The following CCSER1 variants were observed in gnomAD, a reference collection of about 807,000 sequenced individuals.
The protein encoded by CCSER1 is serine-rich coiled-coil domain-containing protein 1.
CCSER1 carries 41 observed loss-of-function variants against 82.0 expected under a neutral mutation model. That is an observed-to-expected ratio of 0.50 (90% CI 0.39 to 0.65). The LOEUF is 0.65. Among genes scored for constraint, CCSER1 ranks in the 30% least tolerant of loss-of-function variants. CCSER1 has a pLI of 0.00. For missense variants in CCSER1, 1,119 were observed against 1,064.2 expected (o/e 1.05, Z -0.72); for synonymous variants, 414 against 383.9 (o/e 1.08, Z -0.92).
chr4:91,175,393 G>A (rs180973449), intron 10 of CCSER1, among the ~76,000 whole-genome samples: 81 of 152,226 alleles, frequency 5.3e-4, no homozygotes, highest in African/African-American at 1.6e-3. Context: ...TTGAGGAATC[G>A]CCACACTGCC....
intron 1 of CCSER1, among the ~76,000 whole-genome samples, chr4:90,244,971 G>A (rs1175598184): frequency 6.6e-6 from 1 of 152,120 alleles, no homozygotes; most frequent in Non-Finnish European, 1.5e-5. Flanking sequence ...TAGCCACAGA[G>A]TAATCTCATT....
chr4:90,418,223 A>G (rs1159804647), intron 4 of CCSER1, among the ~76,000 whole-genome samples: 1 of 152,092 alleles, frequency 6.6e-6, no homozygotes, highest in Admixed American at 6.6e-5. Flanking sequence ...TCTCATGTCC[A>G]GCATATATAT....
chr4:90,991,851 G>C (rs1293119745), intron 9 of CCSER1, among the ~76,000 whole-genome samples: 1 of 151,942 alleles, frequency 6.6e-6, no homozygotes, highest in Admixed American at 6.6e-5. Context: ...AGTTTATACT[G>C]ATTGTTATCA....
chr4:91,248,812 A>G (rs1740024990), intron 10 of CCSER1, among the ~76,000 whole-genome samples: 1 of 152,182 alleles, frequency 6.6e-6, no homozygotes, highest in Admixed American at 6.5e-5. Context: ...TGCACTATAC[A>G]AATATAAGAT....
chr4:91,303,708 T>C (rs1744838905), intron 10 of CCSER1, among the ~76,000 whole-genome samples: 1 of 151,902 alleles, frequency 6.6e-6, no homozygotes, highest in Admixed American at 6.6e-5. Flanking sequence ...GGTGGGAGGA[T>C]CACCTGAGTC....
chr4:91,292,440 G>A (rs373996105), intron 10 of CCSER1, among the ~76,000 whole-genome samples: 11 of 151,760 alleles, frequency 7.2e-5, no homozygotes, highest in Non-Finnish European at 8.8e-5. Flanking sequence ...TTATGCTTAC[G>A]CTAGATTACT....
chr4:90,389,062 AT>A (rs775075784), intron 3 of CCSER1, among the ~76,000 whole-genome samples: 2 of 152,198 alleles, frequency 1.3e-5, no homozygotes, highest in African/African-American at 4.8e-5. Flanking sequence ...AAAAATGTCC[AT>A]TTTTTAAGAA....
At chr4:90,888,849 G>A (rs1722538515) in intron 8 of CCSER1, among the ~76,000 whole-genome samples, 1 of 152,112 alleles carries the variant, frequency 6.6e-6, no homozygotes, top group African/African-American at 2.4e-5. Flanking sequence ...TCTATATTGA[G>A]CAATTGTTTA....
intron 10 of CCSER1, among the ~76,000 whole-genome samples, chr4:91,250,966 A>G (rs1313323361): frequency 6.6e-6 from 1 of 152,188 alleles, no homozygotes; most frequent in Non-Finnish European, 1.5e-5. Flanking sequence ...GACATAGAGA[A>G]TGAACTGTGT....
chr4:91,139,414 T>A (rs1028915809), intron 10 of CCSER1, among the ~76,000 whole-genome samples: 1 of 152,150 alleles, frequency 6.6e-6, no homozygotes, highest in Non-Finnish European at 1.5e-5. Flanking sequence ...CTCATTTTTC[T>A]CAATTTATAA....
intron 5 of CCSER1, among the ~76,000 whole-genome samples, chr4:90,592,086 A>G (rs1782776854): frequency 6.6e-6 from 1 of 152,162 alleles, no homozygotes; most frequent in Non-Finnish European, 1.5e-5. Flanking sequence ...TAATGCACGC[A>G]GGGCTTAAAA....
At chr4:91,346,858 A>G (rs572931854) in intron 10 of CCSER1, among the ~76,000 whole-genome samples, 1 of 152,230 alleles carries the variant, frequency 6.6e-6, no homozygotes, top group South Asian at 2.1e-4. Context: ...GTTATAAGAT[A>G]TTTTTGTATA....
At chr4:90,825,016 C>A (rs1296413272) in intron 8 of CCSER1, among the ~76,000 whole-genome samples, 2 of 152,090 alleles carry the variant, frequency 1.3e-5, no homozygotes, top group Non-Finnish European at 2.9e-5. Flanking sequence ...GGGACTGCCT[C>A]CAGTTTCTTA....
At chr4:90,862,450 G>T (rs1249625760) in intron 8 of CCSER1, among the ~76,000 whole-genome samples, 2 of 151,856 alleles carry the variant, frequency 1.3e-5, no homozygotes, top group Non-Finnish European at 2.9e-5. Context: ...AATGACAACT[G>T]ACTTAATGGT....
chr4:91,203,122 A>G (rs1736064600), intron 10 of CCSER1, among the ~76,000 whole-genome samples: 1 of 151,886 alleles, frequency 6.6e-6, no homozygotes, highest in South Asian at 2.1e-4. Flanking sequence ...ACAGTGTAAA[A>G]GTGTTCCTAT....
intron 10 of CCSER1, among the ~76,000 whole-genome samples, chr4:91,553,370 T>C (rs1266378613): frequency 3.3e-5 from 5 of 151,492 alleles, no homozygotes; most frequent in African/African-American, 1.2e-4. Context: ...ATTCTTACAA[T>C]GTTCTTGTCT....
At chr4:90,778,559 C>A (rs1449258468) in intron 7 of CCSER1, among the ~76,000 whole-genome samples, 1 of 149,432 alleles carries the variant, frequency 6.7e-6, no homozygotes. Flanking sequence ...GAAACCCATA[C>A]ACTAACATAT....
chr4:90,387,366 C>G (rs761742055), intron 3 of CCSER1, among the ~76,000 whole-genome samples: 2 of 152,034 alleles, frequency 1.3e-5, no homozygotes, highest in Non-Finnish European at 2.9e-5. Context: ...GAAAGCCATG[C>G]AGAGCCTATG....
At chr4:90,578,175 C>T (rs966040449) in intron 5 of CCSER1, among the ~76,000 whole-genome samples, 19 of 152,090 alleles carry the variant, frequency 1.2e-4, no homozygotes, top group African/African-American at 4.6e-4. Context: ...ATTATATTAG[C>T]TTTATACTTC....
Sources: allele counts gnomAD v4.1 joint callset (sites outside exome capture counted in the v4.1 genomes callset), GRCh38; gene constraint gnomAD v4.1.1; transcripts MANE v1.5; gene names NCBI Gene and HGNC (gene_info 2026-07-23, HGNC 2026-07-21).